The following PHF21B variants were observed in gnomAD, a reference collection of about 807,000 sequenced individuals.
PHF21B encodes the protein PHD finger protein 21B, also known as PHD finger protein 4.
In PHF21B, 22 loss-of-function variants were observed where a neutral mutation model predicts 62.2. That is an observed-to-expected ratio of 0.35 (90% CI 0.25 to 0.51). PHF21B has a LOEUF of 0.51. Among genes scored for constraint, PHF21B ranks in the 20% least tolerant of loss-of-function variants. PHF21B has a pLI of 0.97. For synonymous variants in PHF21B, 341 were observed against 314.7 expected (o/e 1.08, Z -0.88); for missense variants, 701 against 707.9 (o/e 0.99, Z 0.11).
chr22:44,939,453 G>A (rs1239825143), intron 2 of PHF21B, among the ~76,000 whole-genome samples: 2 of 152,238 alleles, frequency 1.3e-5, no homozygotes, highest in African/African-American at 4.8e-5. Context: ...ACTGCGCACT[G>A]AGCAAATGCC....
intron 2 of PHF21B, among the ~76,000 whole-genome samples, chr22:44,987,829 C>T (rs1424531325): frequency 1.3e-5 from 2 of 152,008 alleles, no homozygotes; most frequent in East Asian, 3.9e-4. Context: ...TCACCCTTCA[C>T]CCCTCATTGG....
chr22:44,889,779 T>A lies in PHF21B; in HGVS notation c.1019A>T (p.Asn340Ile), dbSNP rs778767857. 6.4e-7 allele frequency: 1 copy of A among 1,564,254 alleles called. No homozygotes were observed. The highest frequency in any genetic ancestry group is 8.6e-7 in the Non-Finnish European group (1 of 1,161,770). The change falls in exon 9 of 13, where the codon AAT becomes ATT. Residue 340 changes from asparagine to isoleucine, a missense_variant. Coordinates refer to ENST00000313237, the MANE Select transcript of PHF21B (RefSeq NM_138415.5). ...NNPLFLTARA[N>I]EDPCWKNEIT... is the part of the protein sequence containing the mutation. ...ACGTACCTTCCAGCAGGGGTCCTCA[T>A]TGGCTAGCACAGGGAAGAAGGGCGG... is the stretch of plus-strand genomic sequence containing the variant.
chr22:44,971,348 C>T (rs1158183081), intron 2 of PHF21B: 1 of 152,168 alleles, frequency 6.6e-6, no homozygotes, highest in Non-Finnish European at 1.5e-5. Context: ...ATGTGTTTTT[C>T]AGATGATAAA....
At chr22:44,999,704 T>C (rs2073179945) in intron 2 of PHF21B, among the ~76,000 whole-genome samples, 1 of 152,068 alleles carries the variant, frequency 6.6e-6, no homozygotes, top group South Asian at 2.1e-4. Flanking sequence ...CGTGCCAGTG[T>C]TGGAGTTAAG....
intron 2 of PHF21B, among the ~76,000 whole-genome samples, chr22:44,983,655 C>T (rs987179831): frequency 2.0e-5 from 3 of 152,028 alleles, no homozygotes; most frequent in Admixed American, 6.6e-5. Context: ...GAAAATCTAC[C>T]CTAAGAAAAA....
At chr22:44,905,678 T>TAC (rs2071237147) in intron 5 of PHF21B, among the ~76,000 whole-genome samples, 1 of 152,136 alleles carries the variant, frequency 6.6e-6, no homozygotes, top group South Asian at 2.1e-4. Flanking sequence ...ACCCAGGCTG[T>TAC]AGTGCAGTGG....
intron 2 of PHF21B, among the ~76,000 whole-genome samples, chr22:44,958,376 A>G (rs2072345417): frequency 6.6e-6 from 1 of 152,168 alleles, no homozygotes; most frequent in Non-Finnish European, 1.5e-5. Context: ...AGTTGTGCTG[A>G]GAACTCCGAG....
At chr22:44,902,264 C>A (rs982797536) in intron 5 of PHF21B, 3 of 237,686 alleles carry the variant, frequency 1.3e-5, no homozygotes, top group African/African-American at 4.6e-5. Flanking sequence ...CTTCGACACA[C>A]AAACAGAGAA....
At chr22:44,945,817 A>G (rs995233339) in intron 2 of PHF21B, among the ~76,000 whole-genome samples, 1 of 151,932 alleles carries the variant, frequency 6.6e-6, no homozygotes, top group Non-Finnish European at 1.5e-5. Flanking sequence ...GGGGCTCCAA[A>G]GGGGGCTGAG....
chr22:44,891,223 A>C, intron 8 of PHF21B, 83 bp downstream of exon 8: 1 of 1,505,108 alleles, frequency 6.6e-7, no homozygotes, highest in South Asian at 1.2e-5. Context: ...AGCCCTGCCC[A>C]GGCCCAGGCG....
intron 5 of PHF21B, among the ~76,000 whole-genome samples, chr22:44,908,590 G>A (rs1404907121): frequency 6.6e-6 from 1 of 152,178 alleles, no homozygotes; most frequent in Non-Finnish European, 1.5e-5. Flanking sequence ...CCACTTTCTG[G>A]GGAGCTGCAG....
At chr22:45,004,369 C>A (rs1225875045) in intron 2 of PHF21B, among the ~76,000 whole-genome samples, 1 of 151,794 alleles carries the variant, frequency 6.6e-6, no homozygotes, top group Non-Finnish European at 1.5e-5. Context: ...CCAGGAAACT[C>A]CAGCTGTGTG....
chr22:44,945,096 C>T (rs957202970), intron 2 of PHF21B, among the ~76,000 whole-genome samples: 7 of 152,250 alleles, frequency 4.6e-5, no homozygotes, highest in African/African-American at 1.7e-4. Flanking sequence ...CTCTAAATCA[C>T]TGGTGAAAAC....
intron 5 of PHF21B, among the ~76,000 whole-genome samples, chr22:44,900,292 C>A (rs1273949618): frequency 6.6e-6 from 1 of 152,150 alleles, no homozygotes; most frequent in Non-Finnish European, 1.5e-5. Context: ...ATAAATGGCT[C>A]ATGGAACATT....
intron 2 of PHF21B, among the ~76,000 whole-genome samples, chr22:44,990,536 AGAGTAT>A (rs1426549048): frequency 6.6e-6 from 1 of 152,254 alleles, no homozygotes; most frequent in East Asian, 1.9e-4. Context: ...ACGCTGAGTA[AGAGTAT>A]ATTACGCTAA....
At chr22:44,886,204 C>T (rs897519361) in intron 10 of PHF21B, among the ~76,000 whole-genome samples, 3 of 152,008 alleles carry the variant, frequency 2.0e-5, no homozygotes, top group South Asian at 2.1e-4. Context: ...CTCGAACGAA[C>T]GAATGATCAC....
chr22:44,902,189 C>T (rs2071172224), intron 5 of PHF21B: 1 of 201,042 alleles, frequency 5.0e-6, no homozygotes, highest in Non-Finnish European at 1.1e-5. Context: ...AATCCCAATA[C>T]ATCTTACTGA....
intron 12 of PHF21B, 99 bp downstream of exon 12, chr22:44,885,327 G>A: frequency 1.7e-6 from 2 of 1,168,624 alleles, no homozygotes; most frequent in Non-Finnish European, 2.4e-6. Context: ...GGCCAGCCTG[G>A]ATCTACACCT....
At chr22:44,944,172 G>A (rs1175443301) in intron 2 of PHF21B, among the ~76,000 whole-genome samples, 2 of 152,228 alleles carry the variant, frequency 1.3e-5, no homozygotes, top group Non-Finnish European at 2.9e-5. Context: ...AGCATCCAGT[G>A]GCTTCCACCT....
Sources: allele counts gnomAD v4.1 joint callset (sites outside exome capture counted in the v4.1 genomes callset), GRCh38; gene constraint gnomAD v4.1.1; transcripts MANE v1.5; gene names NCBI Gene and HGNC (gene_info 2026-07-23, HGNC 2026-07-21).